Variants in SOS1 observed in about 807,000 individuals in gnomAD.
SOS1 encodes the protein son of sevenless homolog 1.
Under a neutral mutation model 157.6 loss-of-function variants are expected in SOS1, and 25 were observed. The observed-to-expected ratio is 0.16, with a 90% CI of 0.12 to 0.22. The LOEUF (loss-of-function observed/expected upper bound fraction) is 0.22. Among genes scored for constraint, SOS1 ranks in the 10% least tolerant of loss-of-function variants. The pLI, the probability that SOS1 is intolerant of heterozygous loss-of-function variation, is 1.00. For synonymous variants in SOS1, 528 were observed against 534.0 expected (o/e 0.99, Z 0.16); for missense variants, 1,237 against 1,599.1 (o/e 0.77, Z 3.86).
intron 5 of SOS1, among the ~76,000 whole-genome samples, chr2:39,054,235 T>C (rs1393977627): frequency 2.0e-5 from 3 of 152,216 alleles, no homozygotes; most frequent in African/African-American, 7.2e-5. Context: ...CAGAACTGTT[T>C]CTTATTCATC....
At chr2:39,055,322 T>C (rs1671175785) in intron 4 of SOS1, among the ~76,000 whole-genome samples, 1 of 152,220 alleles carries the variant, frequency 6.6e-6, no homozygotes, top group Non-Finnish European at 1.5e-5. Flanking sequence ...TCTTGAGAAC[T>C]TCTACAGCAT....
chr2:39,061,161 A>G (rs1019633794), intron 2 of SOS1, among the ~76,000 whole-genome samples: 1 of 151,652 alleles, frequency 6.6e-6, no homozygotes, highest in Non-Finnish European at 1.5e-5. Context: ...AAACTTACTT[A>G]CAAGGGTATT....
At chr2:39,018,857 A>G (rs1048066853) in intron 10 of SOS1, among the ~76,000 whole-genome samples, 5 of 151,896 alleles carry the variant, frequency 3.3e-5, no homozygotes, top group African/African-American at 1.2e-4. Context: ...GGATTTATAA[A>G]CAATCAGTCT....
At position 38,985,594 on chromosome 2, in the gene SOS1, A is replaced by G. The variant is rs1264452853; in HGVS notation, c.*230T>C. ...AGTCCCTTTATGATTTTCAGGTGCAATCAGTTGTCCAATTCCTCTAGGTCG... is the reference window on the plus strand; with the variant it reads ...AGTCCCTTTATGATTTTCAGGTGCAGTCAGTTGTCCAATTCCTCTAGGTCG... On this transcript the variant is annotated 3_prime_UTR_variant, in exon 23 of 23. Coordinates refer to ENST00000402219, the MANE Select transcript of SOS1 (RefSeq NM_005633.4). The G allele has an allele frequency of 1.9e-5, 10 of 513,962 alleles. No individual in the cohort carries two copies. The highest frequency in any genetic ancestry group is 3.6e-5 in the East Asian group (1 of 27,494). The allele number at this position is 513,962 out of a possible 1,614,324, so 31.8% of individuals were successfully genotyped here. A position where few individuals can be genotyped will look rare whatever the true frequency, so the allele number is the denominator to read the frequency against.
intron 6 of SOS1, among the ~76,000 whole-genome samples, chr2:39,041,058 CATA>C (rs1436841014): frequency 2.6e-5 from 4 of 152,042 alleles, no homozygotes; most frequent in Non-Finnish European, 4.4e-5. Flanking sequence ...AGTGGTACTG[CATA>C]ATGTTTTTTC....
In SOS1 at chr2:39,000,747, G is replaced by A. The variant is rs140168726; in HGVS notation, c.2792-3322C>T. ...GCTCTTTCAAGGGAACAGAAACTAC[G>A]GAACTGTATCTTATCTGTCTATTCT... On this transcript the variant is annotated intron_variant, in intron 17 of 22. Transcript: ENST00000402219. Among the ~76,000 whole-genome samples, 580 of 152,312 alleles carry A rather than the reference G, an allele frequency of 3.8e-3. 1 individual carries two copies. The highest frequency in any genetic ancestry group is 6.8e-3 in the Middle Eastern group (2 of 294).
At chr2:39,010,766 TAAGTA>T (rs1669439314) in intron 14 of SOS1, 63 bp from the exon 15 acceptor site, 5 of 1,329,956 alleles carry the variant, frequency 3.8e-6, no homozygotes, top group Non-Finnish European at 5.4e-6. Flanking sequence ...ATTGTTTTAT[TAAGTA>T]AAGGAGACAA....
At chr2:39,097,144 C>T (rs376768421) in intron 1 of SOS1, among the ~76,000 whole-genome samples, 19 of 152,020 alleles carry the variant, frequency 1.2e-4, no homozygotes, top group Admixed American at 4.6e-4. Context: ...GACAAGCCTA[C>T]GGAAAAAAGT....
intron 1 of SOS1, among the ~76,000 whole-genome samples, chr2:39,103,725 G>A (rs1178891073): frequency 1.3e-5 from 2 of 152,098 alleles, no homozygotes. Flanking sequence ...TCATGACCTT[G>A]GATTTGGCAA....
At chr2:39,058,131 C>G (rs1671274708) in intron 3 of SOS1, among the ~76,000 whole-genome samples, 1 of 152,000 alleles carries the variant, frequency 6.6e-6, no homozygotes, top group Non-Finnish European at 1.5e-5. Context: ...TAGTTCGTTA[C>G]ATTAACTAAA....
At chr2:39,034,484 A>AT (rs1252878324) in intron 8 of SOS1, among the ~76,000 whole-genome samples, 1 of 152,236 alleles carries the variant, frequency 6.6e-6, no homozygotes, top group East Asian at 1.9e-4. Context: ...CTATTAATGC[A>AT]TGTCTTCTTT....
chr2:39,051,800 C>T (rs1350191694), intron 5 of SOS1, among the ~76,000 whole-genome samples: 1 of 152,166 alleles, frequency 6.6e-6, no homozygotes, highest in Non-Finnish European at 1.5e-5. Flanking sequence ...GCAGGATTTT[C>T]ATATCTATTT....
intron 10 of SOS1, among the ~76,000 whole-genome samples, chr2:39,021,836 G>C (rs1011470076): frequency 6.6e-6 from 1 of 151,678 alleles, no homozygotes; most frequent in African/African-American, 2.4e-5. Flanking sequence ...TTGTAGTCTA[G>C]ATCATAAAGA....
chr2:39,038,648 C>T (rs1187002670), intron 6 of SOS1, among the ~76,000 whole-genome samples: 2 of 145,888 alleles, frequency 1.4e-5, no homozygotes, highest in African/African-American at 2.5e-5. Context: ...GCAGGAGAAT[C>T]GCTAGAACCT....
intron 10 of SOS1, among the ~76,000 whole-genome samples, chr2:39,021,575 G>GA (rs1358199607): frequency 7.4e-6 from 1 of 134,994 alleles, no homozygotes; most frequent in Non-Finnish European, 1.6e-5. Context: ...CAAACACAGA[G>GA]AAAAATCTAA....
chr2:38,989,619 TC>T (rs1219500382), intron 20 of SOS1, among the ~76,000 whole-genome samples: 2 of 152,136 alleles, frequency 1.3e-5, no homozygotes, highest in Non-Finnish European at 2.9e-5. Flanking sequence ...AGCAAAAAGT[TC>T]AGCTGGATGT....
intron 6 of SOS1, among the ~76,000 whole-genome samples, chr2:39,043,543 G>T (rs185751401): frequency 1.3e-5 from 2 of 152,292 alleles, no homozygotes; most frequent in East Asian, 3.9e-4. Flanking sequence ...GCTGTTTTCT[G>T]TTGCTATAAC....
intron 5 of SOS1, 30 bp from the exon 6 acceptor site, chr2:39,051,317 G>A (rs751957596): frequency 2.5e-6 from 4 of 1,588,948 alleles, no homozygotes; most frequent in South Asian, 2.2e-5. Context: ...TTAATTCAGT[G>A]AGGCTGTATT....
chr2:39,115,104 A>C (rs569408315), intron 1 of SOS1, among the ~76,000 whole-genome samples: 1 of 152,226 alleles, frequency 6.6e-6, no homozygotes, highest in African/African-American at 2.4e-5. Flanking sequence ...GGTCTCATCT[A>C]CTTTTTAAAA....
Sources: allele counts gnomAD v4.1 joint callset (sites outside exome capture counted in the v4.1 genomes callset), GRCh38; gene constraint gnomAD v4.1.1; transcripts MANE v1.5; gene names NCBI Gene and HGNC (gene_info 2026-07-23, HGNC 2026-07-21).